The following OTULIN variants were observed in gnomAD, a reference collection of about 807,000 sequenced individuals.
The protein encoded by OTULIN is ubiquitin thioesterase otulin.
In OTULIN, 15 loss-of-function variants were observed where a neutral mutation model predicts 39.6. The ratio of observed to expected loss-of-function variants is 0.38; its 90% CI spans 0.25 to 0.58. OTULIN has a LOEUF of 0.58. Among genes scored for constraint, OTULIN ranks in the 20% least tolerant of loss-of-function variants. The pLI, the probability that OTULIN is intolerant of heterozygous loss-of-function variation, is 0.66. For missense variants in OTULIN, 319 were observed against 445.9 expected, an observed-to-expected ratio of 0.72 and a Z score of 2.56; for synonymous variants, 156 against 170.3, an observed-to-expected ratio of 0.92 and a Z score of 0.65.
At chr5:14,710,087 G>A in the OTULIN span, 1 of 152,248 alleles carries the variant, frequency 6.6e-6, no homozygotes, top group East Asian at 1.9e-4. Context: ...TAGTGACTCT[G>A]GTATCGTTAT....
chr5:14,686,035 C>A (rs1736379777), intron 4 of OTULIN, among the ~76,000 whole-genome samples: 1 of 152,048 alleles, frequency 6.6e-6, no homozygotes. Flanking sequence ...GAGGAGAAGT[C>A]CCTCTCCACC....
chr5:14,713,444 C>T, the OTULIN span: 28 of 1,500,970 alleles, frequency 1.9e-5, no homozygotes, highest in Admixed American at 1.9e-5. This position sits in a 1 kb window ranked among gnomAD's most constrained non-coding sequence, Gnocchi z 4.4. Context: ...CGATTCTAGA[C>T]GTGCCTGGGG....
chr5:14,712,521 GT>G, the OTULIN span, among the ~76,000 whole-genome samples: 2 of 152,222 alleles, frequency 1.3e-5, no homozygotes, highest in Non-Finnish European at 2.9e-5. Context: ...TGGTATCACT[GT>G]CCCCTCTCCC....
At chr5:14,714,833 A>C in the OTULIN span, among the ~76,000 whole-genome samples, 3 of 152,220 alleles carry the variant, frequency 2.0e-5, no homozygotes, top group African/African-American at 7.2e-5. Flanking sequence ...AGTAAAGGTG[A>C]ATCACATACT....
chr5:14,713,117 C>CA, the OTULIN span: 8 of 811,084 alleles, frequency 9.9e-6, no homozygotes, highest in South Asian at 1.2e-4. The surrounding 1 kb of genome is among the most constrained non-coding windows in gnomAD (Gnocchi z 4.4). Flanking sequence ...GTAAGGGCCG[C>CA]AGCTAATAAC....
the OTULIN span, among the ~76,000 whole-genome samples, chr5:14,715,289 G>A: frequency 4.6e-5 from 7 of 152,282 alleles, no homozygotes; most frequent in African/African-American, 1.2e-4. Context: ...GCGCCACCAC[G>A]CCTGGCTAAT....
intron 6 of OTULIN, among the ~76,000 whole-genome samples, chr5:14,691,580 T>C (rs1185598724): frequency 6.6e-6 from 1 of 152,198 alleles, no homozygotes; most frequent in Non-Finnish European, 1.5e-5. Context: ...TAAGGTCTGC[T>C]GTGATGGTGA....
In OTULIN at chr5:14,673,283, G is replaced by T. The variant is rs528159565; in HGVS notation, c.153-359G>T. ...TTTATCAGCACTATCTCCATTCTTG[G>T]AACTTGACAGAATCAGTTCAGGAGC... On this transcript the variant is annotated intron_variant, in intron 1 of 6. Transcript: ENST00000284274. Among the ~76,000 whole-genome samples, 4 of 152,242 alleles carry T rather than the reference G, an allele frequency of 2.6e-5. No homozygotes were observed. The South Asian group carries it at 8.3e-4, about 32-fold the overall frequency.
At chr5:14,712,965 C>T in the OTULIN span, 2 of 1,613,028 alleles carry the variant, frequency 1.2e-6, no homozygotes, top group African/African-American at 1.3e-5. Flanking sequence ...CAGGGTCGCA[C>T]CGTGCACCCT....
At chr5:14,669,858 A>G (rs1449693425) in intron 1 of OTULIN, among the ~76,000 whole-genome samples, 3 of 152,226 alleles carry the variant, frequency 2.0e-5, no homozygotes, top group East Asian at 1.9e-4. Flanking sequence ...TTTGGTACAC[A>G]TAACTATAGT....
At chr5:14,681,413 C>T in intron 3 of OTULIN, 51 bp from the exon 4 acceptor site, 5 of 1,542,582 alleles carry the variant, frequency 3.2e-6, no homozygotes, top group Non-Finnish European at 4.4e-6. Flanking sequence ...ACTTTCTCTG[C>T]TATCTCAAGT....
chr5:14,701,730 C>T (rs1051903378), downstream of OTULIN, among the ~76,000 whole-genome samples: 9 of 152,108 alleles, frequency 5.9e-5, no homozygotes, highest in Non-Finnish European at 8.8e-5. Flanking sequence ...TTGGTGTGGC[C>T]GCCTTCTCTT....
intron 4 of OTULIN, among the ~76,000 whole-genome samples, chr5:14,685,944 C>G (rs929567943): frequency 6.6e-6 from 1 of 152,150 alleles, no homozygotes; most frequent in African/African-American, 2.4e-5. Flanking sequence ...CACATGTTGC[C>G]GAAACGCAGG....
At position 14,693,095 on chromosome 5, in the gene OTULIN, G is replaced by A; in HGVS notation, c.*47G>A. ...CTGGCGACGTGGCGAAGATGCACAG[G>A]TGGCTCCTGGGCTTGGGCTGCAGGT... is the stretch of plus-strand genomic sequence containing the variant. On this transcript the variant is annotated 3_prime_UTR_variant, in exon 7 of 7. Coordinates refer to ENST00000284274, the MANE Select transcript of OTULIN (RefSeq NM_138348.6). The A allele has an allele frequency of 6.5e-7, 1 of 1,530,974 alleles. No homozygotes were observed. The highest frequency in any genetic ancestry group is 8.9e-7 in the Non-Finnish European group (1 of 1,129,272). 94.8% of individuals were successfully genotyped at this position (1,530,974 alleles called of 1,614,324 possible).
At position 14,683,549 on chromosome 5, in the gene OTULIN, A is replaced by G. The variant is rs373125807; in HGVS notation, c.468+1942A>G. On this transcript the variant is annotated intron_variant, in intron 4 of 6. Transcript: ENST00000284274. ...CTTATTTTAACTTCTGTGCTTGACA[A>G]CTGTAGATATATATGACACAATTTC... is the stretch of plus-strand genomic sequence containing the variant. Among the ~76,000 whole-genome samples the G allele has an allele frequency of 5.9e-5, 9 of 152,264 alleles. No individual in the cohort carries two copies. In the East Asian group the frequency reaches 1.2e-3, roughly 20 times the overall value.
At chr5:14,701,276 T>G (rs1736790854), downstream of OTULIN, among the ~76,000 whole-genome samples, 1 of 152,198 alleles carries the variant, frequency 6.6e-6, no homozygotes, top group African/African-American at 2.4e-5. Context: ...AGGAAGCCAG[T>G]GATAGCTCCA....
At chr5:14,710,813 T>C in the OTULIN span, 3 of 291,108 alleles carry the variant, frequency 1.0e-5, no homozygotes, top group African/African-American at 2.2e-5. Context: ...GACAGGAGAG[T>C]CTGTGGCCTG....
chr5:14,673,513 G>T, intron 1 of OTULIN, 129 bp from the exon 2 acceptor site: 1 of 545,732 alleles, frequency 1.8e-6, no homozygotes. Context: ...TATTTTATTA[G>T]ATTATCATCA....
the OTULIN span, among the ~76,000 whole-genome samples, chr5:14,711,464 T>C: frequency 1.3e-5 from 2 of 152,202 alleles, no homozygotes; most frequent in African/African-American, 4.8e-5. Flanking sequence ...TTTTGCATCT[T>C]AGCTCAGTGT....
Sources: gnomAD v4.1 joint callset for allele counts (sites outside exome capture counted in the v4.1 genomes callset) on GRCh38, gnomAD v4.1.1 for gene constraint, Gnocchi (gnomAD v3.1) non-coding constraint, MANE v1.5 for transcripts, NCBI Gene and HGNC (gene_info 2026-07-23, HGNC 2026-07-21) for gene names.